The following TRAPPC13 variants were observed in gnomAD, a reference collection of about 807,000 sequenced individuals.
TRAPPC13 encodes REV7-interacting novel NHEJ regulator 1.
Under a neutral mutation model 54.0 loss-of-function variants are expected in TRAPPC13, and 39 were observed. That is an observed-to-expected ratio of 0.72 (90% CI 0.56 to 0.94). The LOEUF is 0.94. TRAPPC13 is among the 40% of genes least tolerant of loss of function. The pLI is 0.00. For missense variants in TRAPPC13, 386 were observed against 488.1 expected (o/e 0.79, Z 1.97); for synonymous variants, 148 against 167.7 (o/e 0.88, Z 0.91).
At chr5:65,633,104 G>C (rs1212757270) in intron 1 of TRAPPC13, among the ~76,000 whole-genome samples, 1 of 152,004 alleles carries the variant, frequency 6.6e-6, no homozygotes, top group African/African-American at 2.4e-5. Context: ...CTTTTTTTCT[G>C]AAAAAGATGA....
intron 1 of TRAPPC13, among the ~76,000 whole-genome samples, chr5:65,632,456 A>G (rs1755584680): frequency 6.6e-6 from 1 of 152,184 alleles, no homozygotes; most frequent in Admixed American, 6.5e-5. Context: ...TTGAATTCCC[A>G]TGGGGTATTT....
chr5:65,649,570 C>T (rs1007117651), intron 5 of TRAPPC13, among the ~76,000 whole-genome samples: 4 of 152,118 alleles, frequency 2.6e-5, no homozygotes, highest in African/African-American at 4.8e-5. Flanking sequence ...TCTCTGACTA[C>T]TTGTGAGGCT....
chr5:65,661,148 TG>T, intron 10 of TRAPPC13: 1 of 287,526 alleles, frequency 3.5e-6, no homozygotes, highest in Non-Finnish European at 6.1e-6. Context: ...TTAAAATAAC[TG>T]TTATTAAGTG....
Position 65,651,842 on chromosome 5 carries a change from G to GTTTTTTTTTT in TRAPPC13, c.502-630_502-621dup, listed in dbSNP as rs762929434. ...TTGAAAGAAAATAAAACGTGATTCA[G>GTTTTTTTTTT]TTTTTTTTTTTTTTTTTTTTTTTTT... On this transcript the variant is annotated intron_variant, in intron 6 of 12. Coordinates refer to ENST00000399438, the MANE Select transcript of TRAPPC13 (RefSeq NM_024941.4). Among the ~76,000 whole-genome samples, 34 of 41,162 alleles carry GTTTTTTTTTT rather than the reference G, an allele frequency of 8.3e-4. 8 individuals carry two copies. Among genetic ancestry groups the GTTTTTTTTTT allele is most frequent in the African/African-American group, 1.9e-3 (21 of 10,806 alleles). The allele number at this position is 41,162 out of a possible 152,430, so 27.0% of individuals were successfully genotyped here.
rs114138999 is a variant in TRAPPC13, at chr5:65,634,996, C to T, written c.47-305C>T. On this transcript the variant is annotated intron_variant, in intron 1 of 12. Coordinates refer to ENST00000399438, the MANE Select transcript of TRAPPC13 (RefSeq NM_024941.4). ...TAGAATTTTTTTAAAGCCTTATGCTCCTAATACTCTTTAAGCTTTAAAAAT... is the reference window on the plus strand; with the variant it reads ...TAGAATTTTTTTAAAGCCTTATGCTTCTAATACTCTTTAAGCTTTAAAAAT... The T allele has an allele frequency of 2.5e-3, 2,168 of 866,122 alleles. 51 individuals are homozygous for T. The African/African-American group carries it at 0.037, about 15-fold the overall frequency. The allele number at this position is 866,122 out of a possible 1,614,324, so 53.7% of individuals were successfully genotyped here.
chr5:65,664,562 A>G lies in TRAPPC13; in HGVS notation c.1205A>G (p.Asp402Gly). The change falls in exon 13 of 13, where the codon GAC (aspartate) becomes GGC (glycine). Residue 402 changes from aspartate to glycine, a missense_variant. Coordinates refer to ENST00000399438, the MANE Select transcript of TRAPPC13 (RefSeq NM_024941.4). ...TFLKRTYEYD[D>G]IAQVCVVSSA... ...TTAAAGAGAACATATGAATATGATG[A>G]CATCGCACAAGTCTGTGTGGTATCT... The G allele has an allele frequency of 2.5e-6, 4 of 1,612,708 alleles. No individual in the cohort carries two copies. The highest frequency in any genetic ancestry group is 3.4e-6 in the Non-Finnish European group (4 of 1,179,622).
rs1338823089 is a variant in TRAPPC13, at chr5:65,665,888, AT to A, written c.*1280del. 1.3e-5 allele frequency: 2 copies of A among 152,594 alleles called. No individual in the cohort carries two copies. The highest frequency in any genetic ancestry group is 2.9e-5 in the Non-Finnish European group (2 of 68,004). The allele number at this position is 152,594 out of a possible 1,614,324, so 9.5% of individuals were successfully genotyped here. A position where few individuals can be genotyped will look rare whatever the true frequency, so the allele number is the denominator to read the frequency against. ...GTTGAAATTCAAGAATGTATATATA[AT>A]TTCTTAAATGTAAGAGTGCATTAAA... On this transcript the variant is annotated 3_prime_UTR_variant, in exon 13 of 13. Coordinates refer to ENST00000399438, the MANE Select transcript of TRAPPC13 (RefSeq NM_024941.4).
At position 65,639,280 on chromosome 5, in the gene TRAPPC13, T is replaced by C. The variant is rs371592972; in HGVS notation, c.300+1500T>C. Among the ~76,000 whole-genome samples, 291 of 152,108 alleles carry C rather than the reference T, an allele frequency of 1.9e-3. 2 individuals are homozygous for C. Among genetic ancestry groups the C allele is most frequent in the African/African-American group, 6.7e-3 (280 of 41,488 alleles). On this transcript the variant is annotated intron_variant, in intron 4 of 12. Coordinates refer to ENST00000399438, the MANE Select transcript of TRAPPC13 (RefSeq NM_024941.4). ...TCAAACCATATCAGTAGCCATACAA[T>C]AGAGCATCTTGAAAGCCAGGCTAAG...
At chr5:65,648,562 T>C (rs1561771394) in intron 5 of TRAPPC13, among the ~76,000 whole-genome samples, 3 of 152,156 alleles carry the variant, frequency 2.0e-5, no homozygotes, top group African/African-American at 7.2e-5. Context: ...TTAGAAGACA[T>C]AGAACTCAAA....
At chr5:65,646,264 G>C (rs2150678651) in intron 4 of TRAPPC13, among the ~76,000 whole-genome samples, 1 of 152,310 alleles carries the variant, frequency 6.6e-6, no homozygotes, top group Non-Finnish European at 1.5e-5. Flanking sequence ...CGGGTGGAGG[G>C]AAAGTGCTAC....
intron 4 of TRAPPC13, among the ~76,000 whole-genome samples, chr5:65,640,952 G>C (rs565922082): frequency 4.3e-4 from 59 of 138,276 alleles, no homozygotes; most frequent in African/African-American, 1.6e-3. Context: ...TTTTTTTTTT[G>C]AGAGAGGATC....
At chr5:65,644,951 C>T (rs1340479879) in intron 4 of TRAPPC13, among the ~76,000 whole-genome samples, 8 of 151,164 alleles carry the variant, frequency 5.3e-5, no homozygotes, top group African/African-American at 1.9e-4. Flanking sequence ...AATCTCAGCA[C>T]TTTGGGAGGC....
At chr5:65,636,287 G>A (rs891912473) in intron 3 of TRAPPC13, among the ~76,000 whole-genome samples, 1 of 151,852 alleles carries the variant, frequency 6.6e-6, no homozygotes, top group African/African-American at 2.4e-5. Flanking sequence ...GGGATTACAG[G>A]CGTGCGCACC....
intron 1 of TRAPPC13, chr5:65,630,473 AAATTG>A: frequency 7.2e-7 from 1 of 1,387,510 alleles, no homozygotes; most frequent in South Asian, 1.8e-5. Context: ...TTAAGTCAAG[AAATTG>A]CTGAGTTCTG....
At chr5:65,643,833 G>GAA (rs1358172579) in intron 4 of TRAPPC13, among the ~76,000 whole-genome samples, 1 of 70,544 alleles carries the variant, frequency 1.4e-5, no homozygotes, top group Non-Finnish European at 3.2e-5. Flanking sequence ...AAAAAAAAAA[G>GAA]AAAGAAAAAA....
intron 10 of TRAPPC13, 29 bp from the exon 11 acceptor site, chr5:65,662,021 T>G (rs1465307857): frequency 6.6e-7 from 1 of 1,525,466 alleles, no homozygotes; most frequent in Non-Finnish European, 8.9e-7. Context: ...GTGATAGATA[T>G]ACATTAACTG....
At chr5:65,636,158 T>TA (rs1305092868) in intron 3 of TRAPPC13, 115 bp downstream of exon 3, 5 of 709,428 alleles carry the variant, frequency 7.0e-6, no homozygotes, top group Non-Finnish European at 1.1e-5. Context: ...TTTTTTTTTT[T>TA]TCTGAGATGG....
chr5:65,650,668 G>T, intron 5 of TRAPPC13, 142 bp from the exon 6 acceptor site: 1 of 611,318 alleles, frequency 1.6e-6, no homozygotes, highest in African/African-American at 1.8e-5. Flanking sequence ...TATCTATTCT[G>T]ACTTTTTCCC....
At chr5:65,638,855 G>A (rs152069) in intron 4 of TRAPPC13, among the ~76,000 whole-genome samples, 38,239 of 151,980 alleles carry the variant, frequency 0.25, 5,098 homozygotes, top group Non-Finnish European at 0.3. Flanking sequence ...AGGCCAAGGC[G>A]GGTGGATCAC....
Sources: gnomAD v4.1 joint callset for allele counts (sites outside exome capture counted in the v4.1 genomes callset) on GRCh38, gnomAD v4.1.1 for gene constraint, MANE v1.5 for transcripts, NCBI Gene and HGNC (gene_info 2026-07-23, HGNC 2026-07-21) for gene names.